The following NLGN1 variants were observed in gnomAD, a reference collection of about 807,000 sequenced individuals.
NLGN1 encodes the protein neuroligin 1.
Under a neutral mutation model 65.5 loss-of-function variants are expected in NLGN1, and 12 were observed. The ratio of observed to expected loss-of-function variants is 0.18; its 90% CI spans 0.12 to 0.30. NLGN1 has a LOEUF of 0.30. NLGN1 is among the 10% of genes least tolerant of loss of function. NLGN1 has a pLI of 1.00. For synonymous variants in NLGN1, 350 were observed against 359.5 expected (o/e 0.97, Z 0.30); for missense variants, 750 against 1,007.1 (o/e 0.74, Z 3.46).
chr3:173,766,873 A>G (rs1267967311), intron 3 of NLGN1, among the ~76,000 whole-genome samples: 1 of 152,326 alleles, frequency 6.6e-6, no homozygotes, highest in African/African-American at 2.4e-5. Context: ...ACAGAGTATC[A>G]TTAAATAACA....
intron 2 of NLGN1, among the ~76,000 whole-genome samples, chr3:173,490,909 G>T (rs1729021468): frequency 6.6e-6 from 1 of 151,524 alleles, no homozygotes; most frequent in Non-Finnish European, 1.5e-5. Flanking sequence ...TGTTATTGGT[G>T]TATAAGAATG....
At chr3:173,541,932 C>G (rs201433593) in intron 2 of NLGN1, among the ~76,000 whole-genome samples, 3 of 151,730 alleles carry the variant, frequency 2.0e-5, no homozygotes, top group Non-Finnish European at 4.4e-5. Flanking sequence ...TTTGATGGAC[C>G]CTATCAACCA....
chr3:173,972,062 G>A (rs1716367927), intron 4 of NLGN1, among the ~76,000 whole-genome samples: 1 of 152,054 alleles, frequency 6.6e-6, no homozygotes, highest in South Asian at 2.1e-4. Context: ...AAGGCCCCAA[G>A]AAAGAGCCAG....
intron 4 of NLGN1, among the ~76,000 whole-genome samples, chr3:173,947,579 T>A (rs1251298869): frequency 6.6e-6 from 1 of 152,204 alleles, no homozygotes; most frequent in Non-Finnish European, 1.5e-5. Context: ...AACATGCACA[T>A]GGATTAATTT....
In NLGN1 at chr3:173,676,514, G is replaced by GT. The variant is rs562278955; in HGVS notation, c.493+71430dup. On this transcript the variant is annotated intron_variant, in intron 3 of 6. Transcript: ENST00000457714. ...TTCAGATAATATAAAGTTTTTGTTT[G>GT]TTTTTTTCTCTATAAAGGTAATATG... is the stretch of plus-strand genomic sequence containing the variant. 2.0e-5 allele frequency among the ~76,000 whole-genome samples: 3 copies of GT among 151,868 alleles called. No individual in the cohort carries two copies. In the South Asian group the frequency reaches 6.2e-4, roughly 32 times the overall value.
intron 4 of NLGN1, among the ~76,000 whole-genome samples, chr3:173,887,145 G>A (rs891220687): frequency 6.6e-6 from 1 of 151,974 alleles, no homozygotes. Flanking sequence ...TGACCTCTGT[G>A]ATTCTTAAAC....
chr3:173,446,489 A>G (rs1720349800), intron 2 of NLGN1, among the ~76,000 whole-genome samples: 1 of 152,058 alleles, frequency 6.6e-6, no homozygotes, highest in African/African-American at 2.4e-5. Context: ...GGTTGGTTCT[A>G]AGTCTTTGCT....
chr3:173,977,076 A>C (rs1490986125), intron 4 of NLGN1, among the ~76,000 whole-genome samples: 2 of 150,854 alleles, frequency 1.3e-5, no homozygotes, highest in African/African-American at 4.9e-5. Flanking sequence ...AAGACTACTG[A>C]AGTGGAGGAA....
intron 4 of NLGN1, among the ~76,000 whole-genome samples, chr3:174,226,673 A>C (rs1314491117): frequency 1.3e-5 from 2 of 152,138 alleles, no homozygotes; most frequent in Non-Finnish European, 1.5e-5. Flanking sequence ...TTTACAACAT[A>C]AGAACCAGGT....
chr3:173,629,786 T>TA (rs898162581), intron 3 of NLGN1, among the ~76,000 whole-genome samples: 5 of 151,528 alleles, frequency 3.3e-5, no homozygotes, highest in African/African-American at 7.2e-5. Flanking sequence ...CTCCATTGCT[T>TA]AAAAAAAAGA....
At chr3:174,006,533 G>A (rs556863008) in intron 4 of NLGN1, among the ~76,000 whole-genome samples, 4 of 152,168 alleles carry the variant, frequency 2.6e-5, no homozygotes, top group African/African-American at 7.2e-5. Context: ...ATCAGAGCTC[G>A]AATTCTCTGT....
chr3:173,689,669 A>G (rs1765182385), intron 3 of NLGN1, among the ~76,000 whole-genome samples: 1 of 152,126 alleles, frequency 6.6e-6, no homozygotes, highest in Non-Finnish European at 1.5e-5. Context: ...TTTGTGTATT[A>G]CAAGCTGAAT....
chr3:173,697,323 T>G (rs975951856), intron 3 of NLGN1, among the ~76,000 whole-genome samples: 9 of 152,204 alleles, frequency 5.9e-5, no homozygotes, highest in African/African-American at 1.7e-4. Context: ...TTTTCCAAGC[T>G]GTGTTTCCTT....
Position 173,550,327 on chromosome 3 carries a change from T to C in NLGN1, c.-320-53952T>C, listed in dbSNP as rs114483640. On this transcript the variant is annotated intron_variant, in intron 2 of 6. Coordinates refer to ENST00000457714, the Ensembl canonical transcript of NLGN1. ...AGATAATGGGATAAAATATATGTCA[T>C]GTTTTGATGAATAGCGTGTTTCGGC... is the stretch of plus-strand genomic sequence containing the variant. 4.8e-3 allele frequency among the ~76,000 whole-genome samples: 733 copies of C among 152,228 alleles called. 2 individuals are homozygous for C. Among genetic ancestry groups the C allele is most frequent in the African/African-American group, 0.017 (692 of 41,560 alleles).
chr3:174,291,118 G>A (rs1485345917), downstream of NLGN1, among the ~76,000 whole-genome samples: 2 of 149,610 alleles, frequency 1.3e-5, no homozygotes, highest in African/African-American at 4.9e-5. Context: ...AAAAGAAATG[G>A]GAATAAATAG....
rs571352530 is a variant in NLGN1, at chr3:174,077,641, C to T, written c.647-197674C>T. On this transcript the variant is annotated intron_variant, in intron 4 of 6. Coordinates refer to ENST00000457714, the Ensembl canonical transcript of NLGN1. ...CATGATCTCGACTCACTGCAGCCTC[C>T]GCCTCCCGGGTTCAAGCATTTCTCC... is the stretch of plus-strand genomic sequence containing the variant. Among the ~76,000 whole-genome samples, 7 of 152,098 alleles carry T rather than the reference C, an allele frequency of 4.6e-5. No individual in the cohort carries two copies. In the East Asian group the frequency reaches 5.8e-4, roughly 13 times the overall value.
At chr3:173,681,687 C>A (rs1763967671) in intron 3 of NLGN1, among the ~76,000 whole-genome samples, 1 of 152,146 alleles carries the variant, frequency 6.6e-6, no homozygotes, top group Non-Finnish European at 1.5e-5. Context: ...TAACTACTTA[C>A]TAGGTATACA....
At chr3:173,475,721 C>T (rs768278923) in intron 2 of NLGN1, among the ~76,000 whole-genome samples, 2 of 152,156 alleles carry the variant, frequency 1.3e-5, no homozygotes, top group Non-Finnish European at 2.9e-5. Flanking sequence ...TACCACTAAT[C>T]ATTCCTCAAG....
At chr3:173,727,494 A>T (rs917053725) in intron 3 of NLGN1, among the ~76,000 whole-genome samples, 44 of 152,082 alleles carry the variant, frequency 2.9e-4, no homozygotes, top group African/African-American at 1.0e-3. Context: ...TAGCACCTTA[A>T]ACTATCTCCT....
Sources: gnomAD v4.1 joint callset for allele counts (sites outside exome capture counted in the v4.1 genomes callset) on GRCh38, gnomAD v4.1.1 for gene constraint, MANE v1.5 for transcripts, NCBI Gene and HGNC (gene_info 2026-07-23, HGNC 2026-07-21) for gene names.